Variants in NAALADL2 observed in about 807,000 individuals in gnomAD.
NAALADL2 encodes inactive N-acetylated-alpha-linked acidic dipeptidase-like protein 2.
NAALADL2 carries 76 observed loss-of-function variants against 87.2 expected under a neutral mutation model. The ratio of observed to expected loss-of-function variants is 0.87; its 90% CI spans 0.72 to 1.05. The LOEUF (loss-of-function observed/expected upper bound fraction) is 1.05, where lower values mean the gene tolerates loss of function less well. NAALADL2 is among the 50% of genes least tolerant of loss of function. The probability of loss-of-function intolerance (pLI) is 0.00; values close to 1 mark genes in which losing one functional copy is unlikely to be tolerated. For synonymous variants in NAALADL2, 354 were observed against 331.0 expected (o/e 1.07, Z -0.75); for missense variants, 1,089 against 945.8 (o/e 1.15, Z -1.99).
Position 175,109,744 on chromosome 3 carries a change from C to A in NAALADL2, c.545+12453C>A, listed in dbSNP as rs570887976. Among the ~76,000 whole-genome samples the A allele has an allele frequency of 2.6e-5, 4 of 151,786 alleles. No homozygotes were observed. In the South Asian group the frequency reaches 6.2e-4, roughly 24 times the overall value. On this transcript the variant is annotated intron_variant, in intron 2 of 13. Transcript: ENST00000454872. ...AACTAACTGGTTGTCAGAGCCTGCC[C>A]CACCTCTTAACTTTGCAGAATGCCA...
At chr3:174,554,062 T>G (rs1578154518) in intron 2 of NAALADL2, among the ~76,000 whole-genome samples, 1 of 152,192 alleles carries the variant, frequency 6.6e-6, no homozygotes, top group South Asian at 2.1e-4. Context: ...AATTATACAA[T>G]CGGATGTGAC....
chr3:175,583,683 T>C (rs1238318109), intron 10 of NAALADL2, among the ~76,000 whole-genome samples: 1 of 152,156 alleles, frequency 6.6e-6, no homozygotes, highest in Admixed American at 6.5e-5. Flanking sequence ...AACAAGACAA[T>C]GTTCAGAGAA....
intron 3 of NAALADL2, among the ~76,000 whole-genome samples, chr3:174,773,871 T>C (rs11713772): frequency 0.26 from 35,787 of 138,122 alleles, 4,424 homozygotes; most frequent in Middle Eastern, 0.34. Flanking sequence ...GCTGAAGTGA[T>C]GGAGAGTGAG....
chr3:174,464,130 T>A (rs749077809), intron 1 of NAALADL2, among the ~76,000 whole-genome samples: 4 of 152,070 alleles, frequency 2.6e-5, no homozygotes, highest in Admixed American at 2.6e-4. Context: ...GATTTCAACC[T>A]TTATTATTAT....
intron 1 of NAALADL2, among the ~76,000 whole-genome samples, chr3:174,897,122 C>T (rs1345130049): frequency 6.6e-6 from 1 of 151,992 alleles, no homozygotes; most frequent in East Asian, 1.9e-4. Context: ...ACTTTTTGAG[C>T]AATACCCCAG....
chr3:175,380,455 C>T lies in NAALADL2; in HGVS notation c.1090+56130C>T, dbSNP rs570203464. 4.1e-3 allele frequency among the ~76,000 whole-genome samples: 628 copies of T among 152,184 alleles called. 4 individuals are homozygous for T. The highest frequency in any genetic ancestry group is 5.8e-3 in the Non-Finnish European group (394 of 67,996). On this transcript the variant is annotated intron_variant, in intron 5 of 13. Coordinates refer to ENST00000454872, the MANE Select transcript of NAALADL2 (RefSeq NM_207015.3). ...TACATAAATTTTACCATTTAGGTCT[C>T]ATTTTTCCATTTTTTTCCGCAAAGA...
At chr3:175,320,307 T>C (rs1268433439) in intron 4 of NAALADL2, among the ~76,000 whole-genome samples, 2 of 152,194 alleles carry the variant, frequency 1.3e-5, no homozygotes, top group African/African-American at 4.8e-5. Flanking sequence ...CCATCATACT[T>C]ATGTATTGTG....
intron 9 of NAALADL2, among the ~76,000 whole-genome samples, chr3:175,565,829 C>CCT (rs761702652): frequency 9.6e-5 from 11 of 114,844 alleles, no homozygotes; most frequent in African/African-American, 3.0e-4. Flanking sequence ...AGCCCCCCCC[C>CCT]TTTTTTTTTT....
chr3:175,641,027 A>G (rs1029690496), intron 11 of NAALADL2, among the ~76,000 whole-genome samples: 1 of 152,164 alleles, frequency 6.6e-6, no homozygotes, highest in Non-Finnish European at 1.5e-5. Context: ...AAAAAAAGGG[A>G]TGCATTTATC....
At chr3:175,054,685 C>T (rs111804000) in intron 1 of NAALADL2, among the ~76,000 whole-genome samples, 3,716 of 152,282 alleles carry the variant, frequency 0.024, 137 homozygotes, top group African/African-American at 0.085. Context: ...ACAATGGCCA[C>T]TATCAAAAAT....
At chr3:175,688,661 A>G (rs1180278656) in intron 11 of NAALADL2, among the ~76,000 whole-genome samples, 4 of 152,126 alleles carry the variant, frequency 2.6e-5, no homozygotes, top group African/African-American at 9.7e-5. Context: ...CAGGCAGTTT[A>G]TGGACGGTGA....
At chr3:175,302,014 G>T (rs115276887) in intron 4 of NAALADL2, among the ~76,000 whole-genome samples, 3 of 151,816 alleles carry the variant, frequency 2.0e-5, no homozygotes, top group African/African-American at 7.3e-5. Flanking sequence ...AAGATAAAGC[G>T]TAGAATGAAT....
chr3:175,495,094 T>A (rs2862284), intron 9 of NAALADL2, among the ~76,000 whole-genome samples: 18,320 of 132,898 alleles, frequency 0.14, 1,212 homozygotes, highest in Non-Finnish European at 0.17. Flanking sequence ...ATATATATAT[T>A]TTTTTTTAAT....
intron 2 of NAALADL2, among the ~76,000 whole-genome samples, chr3:175,099,994 T>A (rs192342072): frequency 0.012 from 1,816 of 150,954 alleles, 19 homozygotes; most frequent in Non-Finnish European, 0.019. Context: ...TATATTACAA[T>A]TTATACAAAA....
At chr3:175,306,296 ATTATT>A (rs1049132208) in intron 4 of NAALADL2, among the ~76,000 whole-genome samples, 50 of 152,274 alleles carry the variant, frequency 3.3e-4, no homozygotes, top group African/African-American at 1.1e-3. Context: ...TTTTCAAAGT[ATTATT>A]TTATATTATC....
intron 6 of NAALADL2, among the ~76,000 whole-genome samples, chr3:175,460,419 C>T (rs565095576): frequency 6.6e-6 from 1 of 152,184 alleles, no homozygotes; most frequent in African/African-American, 2.4e-5. Context: ...TAGTCTTTGC[C>T]TAGTGATACA....
intron 1 of NAALADL2, among the ~76,000 whole-genome samples, chr3:174,875,426 A>G (rs1040868560): frequency 6.6e-6 from 1 of 152,106 alleles, no homozygotes; most frequent in African/African-American, 2.4e-5. Flanking sequence ...TCTAGTATGA[A>G]CCACTGGTTG....
chr3:175,445,557 A>C (rs571863720), intron 5 of NAALADL2, among the ~76,000 whole-genome samples: 1 of 152,098 alleles, frequency 6.6e-6, no homozygotes, highest in Non-Finnish European at 1.5e-5. Flanking sequence ...TACCACTTTG[A>C]GAGATAGAGA....
At chr3:175,383,053 T>C (rs972548790) in intron 5 of NAALADL2, among the ~76,000 whole-genome samples, 1 of 152,090 alleles carries the variant, frequency 6.6e-6, no homozygotes, top group Non-Finnish European at 1.5e-5. Context: ...TTTTTAATTA[T>C]GGATACATAA....
Sources: gnomAD v4.1 joint callset for allele counts (sites outside exome capture counted in the v4.1 genomes callset) on GRCh38, gnomAD v4.1.1 for gene constraint, MANE v1.5 for transcripts, NCBI Gene and HGNC (gene_info 2026-07-23, HGNC 2026-07-21) for gene names.